MEGF6: variants seen among roughly 807,000 people sequenced by gnomAD.
MEGF6 encodes multiple EGF like domains 6.
In MEGF6, 184 loss-of-function variants were observed where a neutral mutation model predicts 207.1. The observed-to-expected ratio is 0.89, with a 90% CI of 0.79 to 1.00. MEGF6 has a LOEUF of 1.00. Ranked by LOEUF, MEGF6 falls within the 50% of genes least tolerant of loss-of-function variation. The pLI is 0.00. For missense variants in MEGF6, 2,282 were observed against 2,202.9 expected, an observed-to-expected ratio of 1.04 and a Z score of -0.72; for synonymous variants, 1,038 against 910.0, an observed-to-expected ratio of 1.14 and a Z score of -2.53.
chr1:3,586,057 G>C (rs561860247), intron 3 of MEGF6, among the ~76,000 whole-genome samples: 1 of 149,418 alleles, frequency 6.7e-6, no homozygotes, highest in South Asian at 2.1e-4. Context: ...GTGGGTGTGA[G>C]TGTGGACACA....
chr1:3,593,717 T>C (rs1021694747), intron 3 of MEGF6, among the ~76,000 whole-genome samples: 1 of 151,450 alleles, frequency 6.6e-6, no homozygotes, highest in African/African-American at 2.4e-5. Flanking sequence ...CCCTCCCCAC[T>C]AAAAAGACCC....
chr1:3,510,042 A>T (rs1214895446), intron 10 of MEGF6, 50 bp from the exon 11 acceptor site: 2 of 1,553,648 alleles, frequency 1.3e-6, no homozygotes, highest in South Asian at 2.3e-5. Context: ...GTGGGGAACC[A>T]GGAAGGCCCC....
chr1:3,595,396 G>C lies in MEGF6; in HGVS notation c.318C>G (p.Thr106=), dbSNP rs553575884. 1.2e-6 allele frequency: 2 copies of C among 1,612,412 alleles called. No individual in the cohort carries two copies. Among genetic ancestry groups the C allele is most frequent in the Non-Finnish European group, 1.7e-6 (2 of 1,179,852 alleles). The part of the protein sequence containing the change: ...YRQVYTTEAR[T]VLRCCRGWMQ... The stretch of plus-strand genomic sequence containing the variant: ...TCCACCCTCGGCAGCACCTGAGCAC[G>C]GTCCGGGCCTCCGTGGTATACACCT... Residue 106 remains threonine (T), a synonymous_variant, in exon 3 of 37, where the codon ACC becomes ACG. Transcript: ENST00000356575.
rs7553399 is a variant in MEGF6, at chr1:3,499,885, C to T, written c.2747G>A (p.Arg916Gln). The T allele has an allele frequency of 1.9e-6, 3 of 1,560,404 alleles. No homozygotes were observed. Among genetic ancestry groups the T allele is most frequent in the African/African-American group, 2.7e-5 (2 of 73,534 alleles). Residue 916 changes from arginine (R) to glutamine (Q), a missense_variant, in exon 22 of 37, where the codon CGG becomes CAG. Coordinates refer to ENST00000356575, the MANE Select transcript of MEGF6 (RefSeq NM_001409.4). ...GGCTGCTCCATGCTGACACTGGCAC[C>T]GCTGCTCACAGCCGGGCCCAAAGTG... The part of the protein sequence containing the change: ...QGHFGPGCEQ[R>Q]CQCQHGAACD...
At chr1:3,602,166 T>C (rs115335486) in intron 2 of MEGF6, among the ~76,000 whole-genome samples, 294 of 152,092 alleles carry the variant, frequency 1.9e-3, no homozygotes, top group Middle Eastern at 6.8e-3. Flanking sequence ...CTGAGACCAC[T>C]CTCCCCTTCC....
chr1:3,545,354 C>A (rs576308853), intron 4 of MEGF6, among the ~76,000 whole-genome samples: 4 of 152,242 alleles, frequency 2.6e-5, no homozygotes, highest in Admixed American at 2.0e-4. Context: ...GCTGAGTGGA[C>A]CCTTCTGAGG....
At chr1:3,524,715 G>A (rs150631218) in intron 4 of MEGF6, among the ~76,000 whole-genome samples, 9 of 152,232 alleles carry the variant, frequency 5.9e-5, no homozygotes, top group Non-Finnish European at 1.3e-4. Context: ...GGCTTCAAGA[G>A]TGTCCCCGCA....
At chr1:3,580,001 T>C in intron 3 of MEGF6, 72 bp from the exon 4 acceptor site, 2 of 1,147,160 alleles carry the variant, frequency 1.7e-6, no homozygotes, top group South Asian at 1.6e-5. Context: ...GGCCTGAGGG[T>C]CTCTCGGGCA....
At chr1:3,491,372 C>T (rs945650049) in intron 35 of MEGF6, among the ~76,000 whole-genome samples, 3 of 152,196 alleles carry the variant, frequency 2.0e-5, no homozygotes, top group East Asian at 1.9e-4. Flanking sequence ...CGGCAGCCGG[C>T]GGTGCAGTAC....
intron 4 of MEGF6, among the ~76,000 whole-genome samples, chr1:3,571,616 G>A (rs1382020434): frequency 1.3e-5 from 2 of 151,720 alleles, no homozygotes; most frequent in Admixed American, 6.6e-5. Flanking sequence ...GTCATTTCCT[G>A]GTATGCTGGC....
chr1:3,562,465 T>A (rs1228922520), intron 4 of MEGF6, among the ~76,000 whole-genome samples: 1 of 152,138 alleles, frequency 6.6e-6, no homozygotes, highest in Non-Finnish European at 1.5e-5. Flanking sequence ...GCATAGTCAA[T>A]ACCCACAGGA....
chr1:3,502,216 G>A lies in MEGF6; in HGVS notation c.2189-295C>T, dbSNP rs897758241. Reference sequence around the variant, plus strand: ...GGGAGGAGTGAAAGGGGAGCTGACGGATGGGAGGAGAGGGGAGGGGCAGGG... The same window carrying A: ...GGGAGGAGTGAAAGGGGAGCTGACGAATGGGAGGAGAGGGGAGGGGCAGGG... On this transcript the variant is annotated intron_variant, in intron 17 of 36. Coordinates refer to ENST00000356575, the MANE Select transcript of MEGF6 (RefSeq NM_001409.4). Among the ~76,000 whole-genome samples the A allele has an allele frequency of 2.6e-5, 4 of 152,214 alleles. No individual in the cohort carries two copies. In the South Asian group the frequency reaches 8.3e-4, roughly 32 times the overall value.
In MEGF6 at chr1:3,524,259, G is replaced by A; in HGVS notation, c.482-13C>T. ...CATTCGTCCACATCTGAGCAGGAAT[G>A]GGGAAGGATCAGCAGCTGGGCACCT... On this transcript the variant is annotated splice_polypyrimidine_tract_variant and intron_variant, in intron 4 of 36. Coordinates refer to ENST00000356575, the MANE Select transcript of MEGF6 (RefSeq NM_001409.4). 1 of 1,604,968 alleles carries A rather than the reference G, an allele frequency of 6.2e-7. No homozygotes were observed. The highest frequency in any genetic ancestry group is 1.1e-5 in the South Asian group (1 of 90,858).
At chr1:3,582,268 C>A (rs562554100) in intron 3 of MEGF6, among the ~76,000 whole-genome samples, 1 of 152,190 alleles carries the variant, frequency 6.6e-6, no homozygotes. Flanking sequence ...AGATGTTCCC[C>A]GGACCCTGGG....
chr1:3,585,801 CAT>C lies in MEGF6; in HGVS notation c.377-5874_377-5873del, dbSNP rs569818108. ...GTCCTGTGTGTGGGTGTGAGTGACA[CAT>C]GTCCTGTTGTGGGTGTGACACATGT... is the stretch of plus-strand genomic sequence containing the variant. On this transcript the variant is annotated intron_variant, in intron 3 of 36. Coordinates refer to ENST00000356575, the MANE Select transcript of MEGF6 (RefSeq NM_001409.4). 6.5e-4 allele frequency among the ~76,000 whole-genome samples: 85 copies of C among 129,866 alleles called. 1 individual carries two copies. The highest frequency in any genetic ancestry group is 2.3e-3 in the African/African-American group (77 of 33,214). 85.2% of individuals were successfully genotyped at this position (129,866 alleles called of 152,430 possible). A position where few individuals can be genotyped will look rare whatever the true frequency, so the allele number is the denominator to read the frequency against.
chr1:3,511,091 G>A (rs537860516), intron 9 of MEGF6, among the ~76,000 whole-genome samples, 189 bp from the exon 10 acceptor site: 131 of 152,300 alleles, frequency 8.6e-4, no homozygotes, highest in Non-Finnish European at 1.5e-3. Context: ...ACACAATCAC[G>A]CCCACGCACA....
chr1:3,589,079 G>C (rs1643937424), intron 3 of MEGF6, among the ~76,000 whole-genome samples: 1 of 152,292 alleles, frequency 6.6e-6, no homozygotes, highest in Non-Finnish European at 1.5e-5. Context: ...TGCTGGATTA[G>C]GGTGGGCCCT....
chr1:3,554,014 G>C (rs1184537371), intron 4 of MEGF6, among the ~76,000 whole-genome samples: 1 of 152,234 alleles, frequency 6.6e-6, no homozygotes, highest in Non-Finnish European at 1.5e-5. Context: ...CAGGGGCAGG[G>C]ACAAGCGGGG....
rs1643307477 is a variant in MEGF6, at chr1:3,565,053, G to A, written c.481+14772C>T. 6.6e-6 allele frequency among the ~76,000 whole-genome samples: 1 copy of A among 152,146 alleles called. No individual in the cohort carries two copies. The highest frequency in any genetic ancestry group is 1.5e-5 in the Non-Finnish European group (1 of 68,030). On this transcript the variant is annotated intron_variant, in intron 4 of 36. Coordinates refer to ENST00000356575, the MANE Select transcript of MEGF6 (RefSeq NM_001409.4). This position sits in a 1 kb window ranked among gnomAD's most constrained non-coding sequence, Gnocchi z 4.8. Reference sequence around the variant, plus strand: ...CAGCACCAGGACGCGGACCCAGGAGGGCAGGGGTTTTGCTGGACTGGCTGG... The same window carrying A: ...CAGCACCAGGACGCGGACCCAGGAGAGCAGGGGTTTTGCTGGACTGGCTGG...
Sources: gnomAD v4.1 joint callset for allele counts (sites outside exome capture counted in the v4.1 genomes callset) on GRCh38, gnomAD v4.1.1 for gene constraint, Gnocchi (gnomAD v3.1) non-coding constraint, MANE v1.5 for transcripts, NCBI Gene and HGNC (gene_info 2026-07-23, HGNC 2026-07-21) for gene names.